The following TRIM37 variants were observed in gnomAD, a reference collection of about 807,000 sequenced individuals.
TRIM37 encodes E3 ubiquitin-protein ligase TRIM37.
Under a neutral mutation model 129.8 loss-of-function variants are expected in TRIM37, and 80 were observed. The observed-to-expected ratio is 0.62, with a 90% CI of 0.51 to 0.74. The LOEUF (loss-of-function observed/expected upper bound fraction) is 0.74. TRIM37 is among the 30% of genes least tolerant of loss of function. The pLI, the probability that TRIM37 is intolerant of heterozygous loss-of-function variation, is 0.00. For synonymous variants in TRIM37, 389 were observed against 387.1 expected, an observed-to-expected ratio of 1.00 and a Z score of -0.06; for missense variants, 1,054 against 1,176.5, an observed-to-expected ratio of 0.90 and a Z score of 1.52.
At chr17:59,001,005 C>T (rs1455987384) in intron 23 of TRIM37, among the ~76,000 whole-genome samples, 1 of 151,940 alleles carries the variant, frequency 6.6e-6, no homozygotes, top group Non-Finnish European at 1.5e-5. Context: ...CCAGCCTGGC[C>T]AACATGGTGA....
chr17:58,996,208 C>T (rs1316386902), downstream of TRIM37, among the ~76,000 whole-genome samples: 1 of 152,130 alleles, frequency 6.6e-6, no homozygotes, highest in East Asian at 1.9e-4. Context: ...CACAGTGGCT[C>T]ATGCTTCTAA....
intron 13 of TRIM37, among the ~76,000 whole-genome samples, chr17:59,053,291 A>C (rs965903682): frequency 2.0e-5 from 3 of 152,230 alleles, no homozygotes; most frequent in Non-Finnish European, 4.4e-5. Context: ...ATAACTTTCT[A>C]ATAAATACAT....
chr17:59,049,210 C>G lies in TRIM37; in HGVS notation c.1498G>C (p.Asp500His). 6.2e-7 allele frequency: 1 copy of G among 1,614,084 alleles called. No individual in the cohort carries two copies. Among genetic ancestry groups the G allele is most frequent in the Non-Finnish European group, 8.5e-7 (1 of 1,180,014 alleles). Residue 500 changes from aspartate to histidine, a missense_variant, in exon 15 of 24, where the codon GAT becomes CAT. Asp to His is a moderately conservative substitution (Grantham distance 81, BLOSUM62 -1). This residue lies in a region of TRIM37 where 752 missense variants were observed against 870.8 expected (regional missense o/e 0.86). Coordinates refer to ENST00000262294, the MANE Select transcript of TRIM37 (RefSeq NM_015294.6). The part of the protein sequence containing the change: ...SVREAKEDEE[D>H]EEKIQNEDYH... Reference sequence around the variant, plus strand: ...TCTTCATTCTGAATCTTCTCCTCATCTTCTTCATCCTCTTTGGCCTCTCTT... The same window carrying G: ...TCTTCATTCTGAATCTTCTCCTCATGTTCTTCATCCTCTTTGGCCTCTCTT...
intron 19 of TRIM37, among the ~76,000 whole-genome samples, chr17:59,019,657 G>A (rs1018473865): frequency 7.9e-5 from 12 of 151,818 alleles, no homozygotes; most frequent in Non-Finnish European, 1.2e-4. Flanking sequence ...GCAGTGAGCC[G>A]AGATTGTGCC....
intron 2 of TRIM37, among the ~76,000 whole-genome samples, chr17:59,101,775 T>A (rs997068041): frequency 6.9e-6 from 1 of 144,900 alleles, no homozygotes; most frequent in Non-Finnish European, 1.5e-5. Flanking sequence ...CATATATACA[T>A]ATATATATAC....
At chr17:59,028,278 G>GA (rs1175837323) in intron 19 of TRIM37, 137 bp downstream of exon 19, 1 of 764,860 alleles carries the variant, frequency 1.3e-6, no homozygotes, top group Non-Finnish European at 2.1e-6. Context: ...AATTTTGGAT[G>GA]AAGAAAAAAG....
At chr17:58,981,203 A>G (rs2031338616), downstream of TRIM37, 1 of 579,396 alleles carries the variant, frequency 1.7e-6, no homozygotes, top group Admixed American at 3.5e-5. Flanking sequence ...TTTTCAATCT[A>G]AAAAGAAGTA....
the TRIM37 span, among the ~76,000 whole-genome samples, chr17:58,975,102 T>C: frequency 6.6e-6 from 1 of 152,194 alleles, no homozygotes; most frequent in Non-Finnish European, 1.5e-5. Flanking sequence ...TACCCTTGAC[T>C]GAAAATCACC....
At chr17:58,987,294 C>G (rs1033584826) in intron 24 of TRIM37, among the ~76,000 whole-genome samples, 4 of 152,146 alleles carry the variant, frequency 2.6e-5, no homozygotes, top group Non-Finnish European at 5.9e-5. Context: ...TTAGGGGTGG[C>G]CAATTAAGCC....
At chr17:59,090,599 T>C (rs1014751205) in intron 3 of TRIM37, among the ~76,000 whole-genome samples, 1 of 152,012 alleles carries the variant, frequency 6.6e-6, no homozygotes, top group African/African-American at 2.4e-5. Flanking sequence ...TTTTTGTTTG[T>C]TTTTTGTTTT....
chr17:59,028,446 CT>C lies in TRIM37; in HGVS notation c.2225del (p.Lys742SerfsTer27). 6.2e-7 allele frequency: 1 copy of C among 1,613,778 alleles called. No homozygotes were observed. The highest frequency in any genetic ancestry group is 8.5e-7 in the Non-Finnish European group (1 of 1,180,032). On this transcript the variant is annotated frameshift_variant, in exon 19 of 24. Transcript: ENST00000262294. LOFTEE classifies it high-confidence loss of function. Reference sequence around the variant, plus strand: ...GTATGTAACAATTGGCAACTGATGACTTTGCCAGGAGTTCCATTCCCAAATC... The same window carrying C: ...GTATGTAACAATTGGCAACTGATGACTTGCCAGGAGTTCCATTCCCAAATC... ...LQDLGMELLA[K>X]SSVANCYIRN...
Position 59,106,850 on chromosome 17 carries a change from C to CAGCTGGGGGCGCGGCGGCGAGAGA in TRIM37, c.-413_-390dup. 2.8e-6 allele frequency: 1 copy of CAGCTGGGGGCGCGGCGGCGAGAGA among 358,324 alleles called. No homozygotes were observed. Among genetic ancestry groups the CAGCTGGGGGCGCGGCGGCGAGAGA allele is most frequent in the Middle Eastern group, 8.1e-4 (1 of 1,228 alleles). 22.2% of individuals were successfully genotyped at this position (358,324 alleles called of 1,614,324 possible). On this transcript the variant is annotated 5_prime_UTR_variant, in exon 1 of 24. Transcript: ENST00000262294. The stretch of plus-strand genomic sequence containing the variant: ...TCGCAAACACCAACCGTAACCAGAG[C>CAGCTGGGGGCGCGGCGGCGAGAGA]AGCTGGGGGCGCGGCGGCGAGAGAA...
chr17:58,985,112 TC>T (rs2031676196), intron 24 of TRIM37: 1 of 152,660 alleles, frequency 6.6e-6, no homozygotes, highest in Non-Finnish European at 1.5e-5. Context: ...TTAAAAGTGT[TC>T]ATTCAGGTAA....
At position 59,074,191 on chromosome 17, in the gene TRIM37, A is replaced by G. The variant is rs1368801604; in HGVS notation, c.684+1456T>C. Among the ~76,000 whole-genome samples the G allele has an allele frequency of 2.6e-5, 4 of 152,384 alleles. No individual in the cohort carries two copies. The East Asian group carries it at 7.7e-4, about 29-fold the overall frequency. ...TCATTAGACATCACTACTAGGCAAC[A>G]GAAGTATTTCAGCTCCATTTTAATC... On this transcript the variant is annotated intron_variant, in intron 8 of 23. Transcript: ENST00000262294.
intron 17 of TRIM37, among the ~76,000 whole-genome samples, chr17:59,038,203 GC>G (rs1315935036): frequency 6.6e-6 from 1 of 152,138 alleles, no homozygotes; most frequent in African/African-American, 2.4e-5. Flanking sequence ...ACTAAGCACA[GC>G]CTACATTTAA....
downstream of TRIM37, chr17:58,980,782 C>T (rs752259398): frequency 3.2e-5 from 51 of 1,614,044 alleles, no homozygotes; most frequent in Non-Finnish European, 4.2e-6. This position sits in a 1 kb window ranked among gnomAD's most constrained non-coding sequence, Gnocchi z 4.7. Flanking sequence ...TACGCCACCA[C>T]TACTCAAAGA....
At position 59,028,354 on chromosome 17, in the gene TRIM37, A is replaced by C. The variant is rs551617225; in HGVS notation, c.2257+61T>G. 9.3e-6 allele frequency: 14 copies of C among 1,506,038 alleles called. No individual in the cohort carries two copies. The South Asian group carries it at 1.5e-4, about 16-fold the overall frequency. 93.3% of individuals were successfully genotyped at this position (1,506,038 alleles called of 1,614,324 possible). Reference sequence around the variant, plus strand: ...ATTTAAATATTATTCTTTTGAAAAAACCAGTCATCTAGTTTCCCAAATAAC... The same window carrying C: ...ATTTAAATATTATTCTTTTGAAAAACCCAGTCATCTAGTTTCCCAAATAAC... On this transcript the variant is annotated intron_variant, in intron 19 of 23. Transcript: ENST00000262294.
At chr17:58,979,349 C>T, downstream of TRIM37, among the ~76,000 whole-genome samples, 1 of 152,324 alleles carries the variant, frequency 6.6e-6, no homozygotes, top group East Asian at 1.9e-4. Flanking sequence ...AAACTGCATT[C>T]AGCTCCCATG....
chr17:59,068,860 C>T (rs898787466), intron 9 of TRIM37, among the ~76,000 whole-genome samples: 2 of 152,044 alleles, frequency 1.3e-5, no homozygotes, highest in African/African-American at 4.8e-5. Flanking sequence ...GATTTTGTCC[C>T]CAAGGACATT....
Sources: gnomAD v4.1 joint callset for allele counts (sites outside exome capture counted in the v4.1 genomes callset) on GRCh38, gnomAD v4.1.1 for gene constraint, gnomAD v4.1.1 regional missense constraint, Gnocchi (gnomAD v3.1) non-coding constraint, MANE v1.5 for transcripts, NCBI Gene and HGNC (gene_info 2026-07-23, HGNC 2026-07-21) for gene names.